Variants in FGF14 observed in about 807,000 individuals in gnomAD.
FGF14 encodes the protein fibroblast growth factor homologous factor 4.
A neutral mutation model predicts 25.5 loss-of-function variants in FGF14; 5 were observed. That is an observed-to-expected ratio of 0.20 (90% CI 0.10 to 0.41). FGF14 has a LOEUF of 0.41. Among genes scored for constraint, FGF14 ranks in the 10% least tolerant of loss-of-function variants. The probability of loss-of-function intolerance (pLI) is 1.00; values close to 1 mark genes in which losing one functional copy is unlikely to be tolerated. For missense variants in FGF14, 222 were observed against 320.1 expected (o/e 0.69, Z 2.34); for synonymous variants, 138 against 118.3 (o/e 1.17, Z -1.08).
At chr13:101,878,344 G>A (rs575616440) in intron 1 of FGF14, among the ~76,000 whole-genome samples, 21 of 152,190 alleles carry the variant, frequency 1.4e-4, no homozygotes, top group African/African-American at 4.8e-4. Flanking sequence ...CTATCAACAC[G>A]TCCATTTCCT....
chr13:102,217,173 A>G (rs1369951851), intron 1 of FGF14, among the ~76,000 whole-genome samples: 3 of 152,254 alleles, frequency 2.0e-5, no homozygotes, highest in African/African-American at 7.2e-5. Context: ...CATACCCAGT[A>G]GTGAACATTC....
intron 1 of FGF14, among the ~76,000 whole-genome samples, chr13:102,344,009 T>A (rs966892415): frequency 6.6e-6 from 1 of 152,212 alleles, no homozygotes; most frequent in African/African-American, 2.4e-5. Context: ...AAGCTGCTTA[T>A]GTAATTCACA....
chr13:101,886,603 T>C (rs562643213), intron 1 of FGF14, among the ~76,000 whole-genome samples: 1 of 152,138 alleles, frequency 6.6e-6, no homozygotes, highest in Non-Finnish European at 1.5e-5. Context: ...CCAGAAGAAA[T>C]CATTAAAGAA....
chr13:101,772,978 T>A (rs1049199604), intron 3 of FGF14, among the ~76,000 whole-genome samples: 9 of 152,110 alleles, frequency 5.9e-5, no homozygotes, highest in African/African-American at 2.2e-4. Flanking sequence ...AGATAGCAAA[T>A]GGACTATCAG....
intron 2 of FGF14, among the ~76,000 whole-genome samples, chr13:101,870,396 TG>T (rs1428005422): frequency 6.6e-6 from 1 of 152,220 alleles, no homozygotes; most frequent in Non-Finnish European, 1.5e-5. Context: ...CATAATCATA[TG>T]ACTGTCCACG....
At chr13:102,149,607 G>A (rs1209167114) in intron 1 of FGF14, among the ~76,000 whole-genome samples, 4 of 152,232 alleles carry the variant, frequency 2.6e-5, no homozygotes, top group African/African-American at 9.6e-5. Context: ...TGCTCATAAA[G>A]GAGATTAGAT....
At chr13:102,399,866 G>T (rs74459855) in intron 1 of FGF14, among the ~76,000 whole-genome samples, 9,698 of 152,138 alleles carry the variant, frequency 0.064, 580 homozygotes, top group African/African-American at 0.16. Flanking sequence ...CCGAGTCCAC[G>T]GAGCAGCCAG....
rs191598913 is a variant in FGF14, at chr13:102,194,653, T to A, written c.208+206818A>T. On this transcript the variant is annotated intron_variant, in intron 1 of 4. Coordinates refer to the FGF14 transcript ENST00000376131. The stretch of plus-strand genomic sequence containing the variant: ...ACCAACATCCACATAATGAAAACTT[T>A]AGAAGAAGAAGTAAAAGAGAAAAAG... Among the ~76,000 whole-genome samples, 500 of 152,198 alleles carry A rather than the reference T, an allele frequency of 3.3e-3. 10 individuals are homozygous for A. The highest frequency in any genetic ancestry group is 6.0e-3 in the East Asian group (31 of 5,182).
At chr13:101,727,354 T>C (rs568502137) in intron 3 of FGF14, among the ~76,000 whole-genome samples, 88 of 152,202 alleles carry the variant, frequency 5.8e-4, no homozygotes, top group African/African-American at 2.0e-3. Context: ...ACTAGAGCTA[T>C]TGTATAACCA....
At chr13:102,092,629 C>T (rs896050298) in intron 1 of FGF14, among the ~76,000 whole-genome samples, 1 of 152,102 alleles carries the variant, frequency 6.6e-6, no homozygotes, top group Non-Finnish European at 1.5e-5. Flanking sequence ...CCTATAAACA[C>T]ATTTTACAAT....
chr13:102,221,619 C>T (rs2050614011), intron 1 of FGF14, among the ~76,000 whole-genome samples: 1 of 70,622 alleles, frequency 1.4e-5, no homozygotes, highest in Admixed American at 1.6e-4. Flanking sequence ...CACACAAACA[C>T]ACAAACACAC....
intron 3 of FGF14, among the ~76,000 whole-genome samples, chr13:101,830,118 T>C (rs1013436695): frequency 2.0e-5 from 3 of 152,116 alleles, no homozygotes; most frequent in African/African-American, 7.2e-5. Flanking sequence ...CCCTGCCTAC[T>C]GAATAGAGTT....
At chr13:101,853,114 T>G (rs180770766) in intron 3 of FGF14, among the ~76,000 whole-genome samples, 1 of 152,096 alleles carries the variant, frequency 6.6e-6, no homozygotes, top group Non-Finnish European at 1.5e-5. Context: ...CCCAGTCTTG[T>G]GATCACCTGA....
intron 1 of FGF14, among the ~76,000 whole-genome samples, chr13:102,065,924 C>G (rs1046389104): frequency 6.6e-6 from 1 of 151,870 alleles, no homozygotes; most frequent in Non-Finnish European, 1.5e-5. Context: ...AAATCATTAC[C>G]TATGGATATA....
intron 1 of FGF14, among the ~76,000 whole-genome samples, chr13:102,165,513 C>T (rs992887868): frequency 2.0e-5 from 3 of 151,562 alleles, no homozygotes; most frequent in Admixed American, 6.6e-5. Context: ...ATGTCCTTTG[C>T]AGGGACATGG....
chr13:101,731,633 TG>T (rs2139719234), intron 3 of FGF14, among the ~76,000 whole-genome samples: 1 of 152,260 alleles, frequency 6.6e-6, no homozygotes, highest in Non-Finnish European at 1.5e-5. Context: ...GCCATTTGCT[TG>T]TACAAAGAGA....
At chr13:101,981,130 A>ACACAC in intron 1 of FGF14, among the ~76,000 whole-genome samples, 1 of 83,728 alleles carries the variant, frequency 1.2e-5, no homozygotes, top group East Asian at 9.0e-4. Flanking sequence ...CACACACACA[A>ACACAC]TTAGCCAGGC....
intron 1 of FGF14, among the ~76,000 whole-genome samples, chr13:102,279,086 T>G (rs1238022349): frequency 6.6e-6 from 1 of 152,180 alleles, no homozygotes; most frequent in Non-Finnish European, 1.5e-5. Flanking sequence ...GGAAGAAAAC[T>G]GGACAAATTA....
chr13:101,720,081 ATGT>A lies in FGF14; in HGVS notation c.*2747_*2749del, dbSNP rs1393235016. On this transcript the variant is annotated 3_prime_UTR_variant, in exon 5 of 5. Transcript: ENST00000376143. ...CCTTCATATAAATATTTTATTCAATATGTTGTATTTGTGAATTTAACAAATGAT... is the reference window on the plus strand; with the variant it reads ...CCTTCATATAAATATTTTATTCAATATGTATTTGTGAATTTAACAAATGAT... 9 of 152,252 alleles carry A rather than the reference ATGT, an allele frequency of 5.9e-5. No homozygotes were observed. The East Asian group carries it at 1.7e-3, about 29-fold the overall frequency. The allele number at this position is 152,252 out of a possible 1,614,324, so 9.4% of individuals were successfully genotyped here.
Sources: gnomAD v4.1 joint callset for allele counts (sites outside exome capture counted in the v4.1 genomes callset) on GRCh38, gnomAD v4.1.1 for gene constraint, MANE v1.5 for transcripts, NCBI Gene and HGNC (gene_info 2026-07-23, HGNC 2026-07-21) for gene names.